The following RAD51B variants were observed in gnomAD, a reference collection of about 807,000 sequenced individuals.
RAD51B encodes the protein RAD51 paralog B.
Under a neutral mutation model 42.2 loss-of-function variants are expected in RAD51B, and 38 were observed. The observed-to-expected ratio is 0.90, with a 90% confidence interval of 0.70 to 1.18. The LOEUF is 1.18. RAD51B is among the 50% of genes most tolerant of loss of function. The pLI is 0.00. For synonymous variants in RAD51B, 154 were observed against 145.2 expected, an observed-to-expected ratio of 1.06 and a Z score of -0.43; for missense variants, 373 against 400.7, an observed-to-expected ratio of 0.93 and a Z score of 0.59.
chr14:67,887,292 A>G, intron 7 of RAD51B, 88 bp downstream of exon 7: 1 of 1,166,784 alleles, frequency 8.6e-7, no homozygotes, highest in East Asian at 2.6e-5. Flanking sequence ...CAAATAATAA[A>G]ATTAGAGGAA....
At chr14:67,938,883 G>C (rs1021853610) in intron 7 of RAD51B, among the ~76,000 whole-genome samples, 2 of 152,152 alleles carry the variant, frequency 1.3e-5, no homozygotes, top group African/African-American at 4.8e-5. Context: ...GACTTATACT[G>C]ATTTGCCATC....
intron 7 of RAD51B, among the ~76,000 whole-genome samples, chr14:68,059,002 T>G (rs1404798506): frequency 6.6e-6 from 1 of 152,180 alleles, no homozygotes; most frequent in African/African-American, 2.4e-5. Context: ...AAGAAAACTA[T>G]TGATAACCCC....
At chr14:67,888,823 G>A (rs746412692) in intron 7 of RAD51B, among the ~76,000 whole-genome samples, 3 of 152,130 alleles carry the variant, frequency 2.0e-5, no homozygotes, top group Non-Finnish European at 4.4e-5. Flanking sequence ...TTGAGCATCC[G>A]TGGATTATGG....
intron 7 of RAD51B, among the ~76,000 whole-genome samples, chr14:67,960,410 C>T (rs971114841): frequency 6.6e-6 from 1 of 152,134 alleles, no homozygotes; most frequent in African/African-American, 2.4e-5. Context: ...ATCAAGAAGA[C>T]TCTTGTTGTT....
Position 68,500,282 on chromosome 14 carries a change from G to A in RAD51B, c.1036+32032G>A, listed in dbSNP as rs78011230. 3.2e-3 allele frequency among the ~76,000 whole-genome samples: 491 copies of A among 152,258 alleles called. 3 individuals carry two copies. The highest frequency in any genetic ancestry group is 5.2e-3 in the Non-Finnish European group (354 of 68,020). The stretch of plus-strand genomic sequence containing the variant: ...ACATACATTATCCCATTTAATCCTC[G>A]AAACAATCCTACATGGTTGCTATTC... On this transcript the variant is annotated intron_variant, in intron 10 of 10. Transcript: ENST00000487270.
intron 7 of RAD51B, among the ~76,000 whole-genome samples, chr14:68,104,329 A>G (rs1301481480): frequency 6.6e-6 from 1 of 152,136 alleles, no homozygotes; most frequent in African/African-American, 2.4e-5. Context: ...AGGGCAAACA[A>G]CTGCTTCTAC....
At chr14:68,103,387 A>C (rs559153718) in intron 7 of RAD51B, among the ~76,000 whole-genome samples, 1 of 152,212 alleles carries the variant, frequency 6.6e-6, no homozygotes. Context: ...TTTGAGTTTC[A>C]GTTTGTGTTT....
At chr14:67,825,107 A>G (rs943865837) in intron 2 of RAD51B, among the ~76,000 whole-genome samples, 4 of 128,680 alleles carry the variant, frequency 3.1e-5, no homozygotes, top group East Asian at 2.2e-4. Flanking sequence ...AAAAAAAAAA[A>G]GGAAAGAAAC....
chr14:67,970,559 C>A (rs1264660108), intron 7 of RAD51B, among the ~76,000 whole-genome samples: 1 of 150,706 alleles, frequency 6.6e-6, no homozygotes, highest in Non-Finnish European at 1.5e-5. Flanking sequence ...TGTATGAGTT[C>A]TGTCATCTTG....
intron 10 of RAD51B, among the ~76,000 whole-genome samples, chr14:68,502,126 T>C (rs892284144): frequency 6.6e-6 from 1 of 152,240 alleles, no homozygotes; most frequent in African/African-American, 2.4e-5. Context: ...GGTTTGAGTT[T>C]GGCCAAAGCA....
At chr14:68,307,004 T>C (rs996551609) in intron 8 of RAD51B, among the ~76,000 whole-genome samples, 1 of 104,870 alleles carries the variant, frequency 9.5e-6, no homozygotes, top group African/African-American at 3.1e-5. Context: ...GATGAAAATA[T>C]TGATTTTTTT....
At chr14:68,500,356 A>T (rs988410020) in intron 10 of RAD51B, among the ~76,000 whole-genome samples, 1 of 152,228 alleles carries the variant, frequency 6.6e-6, no homozygotes, top group Non-Finnish European at 1.5e-5. Context: ...GAGGTAATGG[A>T]ATCTGCTCAA....
chr14:68,354,715 T>C lies in RAD51B; in HGVS notation c.854-56709T>C, dbSNP rs1026275456. 2.6e-5 allele frequency among the ~76,000 whole-genome samples: 4 copies of C among 151,558 alleles called. 1 individual carries two copies. The highest frequency in any genetic ancestry group is 4.1e-4 in the South Asian group (2 of 4,820). On this transcript the variant is annotated intron_variant, in intron 8 of 10. Transcript: ENST00000471583. ...AAAATCTGTCTCTACAAAAGATTTA[T>C]TTTTTAATTTTTTTTTTTTAATTAT...
chr14:68,598,278 C>T (rs755650068), downstream of RAD51B, among the ~76,000 whole-genome samples: 7 of 152,246 alleles, frequency 4.6e-5, no homozygotes, highest in Non-Finnish European at 8.8e-5. Flanking sequence ...TTTTAACAGA[C>T]GTCTACTAGA....
At chr14:68,150,536 T>C (rs565523124) in intron 7 of RAD51B, among the ~76,000 whole-genome samples, 12 of 152,362 alleles carry the variant, frequency 7.9e-5, no homozygotes, top group African/African-American at 2.9e-4. Context: ...ACATATTTTG[T>C]TTGGTTTATA....
chr14:67,955,484 CAG>C (rs1178220165), intron 7 of RAD51B, among the ~76,000 whole-genome samples: 1 of 152,202 alleles, frequency 6.6e-6, no homozygotes, highest in Non-Finnish European at 1.5e-5. Flanking sequence ...TTGTATGACA[CAG>C]TGTCTAACTC....
chr14:67,959,086 T>G (rs2074606821), intron 7 of RAD51B, among the ~76,000 whole-genome samples: 1 of 152,170 alleles, frequency 6.6e-6, no homozygotes, highest in Non-Finnish European at 1.5e-5. Flanking sequence ...TGATACTACT[T>G]CTTGTATTAT....
At chr14:68,555,157 C>T (rs958820572) in intron 10 of RAD51B, among the ~76,000 whole-genome samples, 22 of 152,210 alleles carry the variant, frequency 1.4e-4, no homozygotes, top group African/African-American at 5.1e-4. Context: ...AAAAAATATT[C>T]TTAAGAAGAA....
At chr14:68,214,600 T>G (rs2079776317) in intron 7 of RAD51B, among the ~76,000 whole-genome samples, 1 of 152,208 alleles carries the variant, frequency 6.6e-6, no homozygotes, top group African/African-American at 2.4e-5. Context: ...GTTTGAGCAA[T>G]GAGAGATGAT....
Sources: allele counts gnomAD v4.1 joint callset (sites outside exome capture counted in the v4.1 genomes callset), GRCh38; gene constraint gnomAD v4.1.1; transcripts MANE v1.5; gene names NCBI Gene and HGNC (gene_info 2026-07-23, HGNC 2026-07-21).